Variants in RAP1A observed in about 807,000 individuals in gnomAD.
RAP1A encodes the protein ras-related protein Rap-1A.
RAP1A carries 6 observed loss-of-function variants against 26.4 expected under a neutral mutation model. The ratio of observed to expected loss-of-function variants is 0.23; its 90% confidence interval spans 0.12 to 0.45. The LOEUF (loss-of-function observed/expected upper bound fraction) is 0.45. RAP1A is among the 20% of genes least tolerant of loss of function. RAP1A has a pLI of 0.99. For missense variants in RAP1A, 121 were observed against 217.2 expected (o/e 0.56, Z 2.78); for synonymous variants, 73 against 79.4 (o/e 0.92, Z 0.43).
intron 1 of RAP1A, among the ~76,000 whole-genome samples, chr1:111,547,479 G>T (rs1571455520): frequency 6.6e-6 from 1 of 151,996 alleles, no homozygotes; most frequent in East Asian, 1.9e-4. Context: ...TGTGAAAATG[G>T]AGTTAAAAAA....
At chr1:111,552,074 A>G (rs1032839912) in intron 1 of RAP1A, among the ~76,000 whole-genome samples, 7 of 152,202 alleles carry the variant, frequency 4.6e-5, no homozygotes, top group South Asian at 2.1e-4. Context: ...ACTGTTATCC[A>G]TTGTCTCAGT....
At chr1:111,702,451 A>T (rs1450661053) in intron 4 of RAP1A, among the ~76,000 whole-genome samples, 1 of 152,196 alleles carries the variant, frequency 6.6e-6, no homozygotes, top group Non-Finnish European at 1.5e-5. Flanking sequence ...AAAGCTCAGT[A>T]ACTAAATGTT....
At chr1:111,638,280 A>T (rs1347557135) in intron 1 of RAP1A, among the ~76,000 whole-genome samples, 1 of 152,150 alleles carries the variant, frequency 6.6e-6, no homozygotes. Flanking sequence ...CTTCTACGGA[A>T]GGATCTTTTC....
intron 1 of RAP1A, among the ~76,000 whole-genome samples, chr1:111,577,789 CT>C (rs1658175909): frequency 6.6e-6 from 1 of 152,176 alleles, no homozygotes; most frequent in South Asian, 2.1e-4. Flanking sequence ...TCTTATCCCA[CT>C]TAATTACATT....
At chr1:111,599,124 C>G (rs1272691170) in intron 1 of RAP1A, among the ~76,000 whole-genome samples, 1 of 152,196 alleles carries the variant, frequency 6.6e-6, no homozygotes, top group Non-Finnish European at 1.5e-5. Flanking sequence ...CAGAGGCTCC[C>G]TGAACCCTAT....
intron 4 of RAP1A, among the ~76,000 whole-genome samples, chr1:111,700,242 G>A (rs1661976254): frequency 6.6e-6 from 1 of 152,158 alleles, no homozygotes; most frequent in African/African-American, 2.4e-5. Flanking sequence ...TTATTGTAAA[G>A]AAATACCTGA....
chr1:111,649,368 G>A (rs1452884301), intron 1 of RAP1A: 2 of 383,852 alleles, frequency 5.2e-6, no homozygotes, highest in Non-Finnish European at 1.0e-5. Flanking sequence ...CCAGCCCCTC[G>A]GCCATCCCTG....
At position 111,714,475 on chromosome 1, in the gene RAP1A, C is replaced by G. The variant is rs568752653; in HGVS notation, c.*2074C>G. On this transcript the variant is annotated 3_prime_UTR_variant, in exon 8 of 8. Transcript: ENST00000369709. ...GAAGTCATTTAATAAGACTCCAAGT[C>G]TCAGTCTGCTTGACTAGTAGCATAA... The G allele has an allele frequency of 3.3e-5, 5 of 152,220 alleles. No individual in the cohort carries two copies. The highest frequency in any genetic ancestry group is 7.3e-5 in the Non-Finnish European group (5 of 68,042). The allele number at this position is 152,220 out of a possible 1,614,324, so 9.4% of individuals were successfully genotyped here.
At chr1:111,699,766 G>A (rs1661961185) in intron 4 of RAP1A, among the ~76,000 whole-genome samples, 1 of 151,728 alleles carries the variant, frequency 6.6e-6, no homozygotes, top group Admixed American at 6.6e-5. Flanking sequence ...CTGCACCCAG[G>A]CCATCTCATT....
At chr1:111,655,941 C>T (rs749215819) in intron 1 of RAP1A, among the ~76,000 whole-genome samples, 6 of 151,968 alleles carry the variant, frequency 3.9e-5, no homozygotes, top group Non-Finnish European at 7.4e-5. Context: ...CCGCCCACCT[C>T]GGCCTCCCAA....
At chr1:111,548,248 TG>T (rs1299601682) in intron 1 of RAP1A, among the ~76,000 whole-genome samples, 1 of 152,214 alleles carries the variant, frequency 6.6e-6, no homozygotes, top group Admixed American at 6.5e-5. Context: ...CTCAAACTCC[TG>T]GCCTCAAGCG....
chr1:111,712,974 A>G lies in RAP1A; in HGVS notation c.*573A>G, dbSNP rs1490369040. 1 of 152,520 alleles carries G rather than the reference A, an allele frequency of 6.6e-6. No homozygotes were observed. Among genetic ancestry groups the G allele is most frequent in the Non-Finnish European group, 1.5e-5 (1 of 67,950 alleles). The allele number at this position is 152,520 out of a possible 1,614,324, so 9.4% of individuals were successfully genotyped here. ...TTGGAAAAATGGGTCTTTTATAGGAAAAAAACTGGGATAACTGATTTCTAT... is the reference window on the plus strand; with the variant it reads ...TTGGAAAAATGGGTCTTTTATAGGAGAAAAACTGGGATAACTGATTTCTAT... On this transcript the variant is annotated 3_prime_UTR_variant, in exon 8 of 8. Transcript: ENST00000369709.
chr1:111,621,947 C>T lies in RAP1A; in HGVS notation c.-28+2013C>T, dbSNP rs548917294. On this transcript the variant is annotated intron_variant, in intron 1 of 7. Transcript: ENST00000369709. Reference sequence around the variant, plus strand: ...CCCAGAAGACAGGTATATTCATATACGTTGTTCCTGTAGTCCTTCTGAAAA... The same window carrying T: ...CCCAGAAGACAGGTATATTCATATATGTTGTTCCTGTAGTCCTTCTGAAAA... Among the ~76,000 whole-genome samples the T allele has an allele frequency of 1.1e-4, 17 of 152,230 alleles. No homozygotes were observed. In the South Asian group the frequency reaches 2.7e-3, roughly 24 times the overall value.
chr1:111,602,845 A>T lies in RAP1A; in HGVS notation c.-28+60336A>T, dbSNP rs1229503103. Among the ~76,000 whole-genome samples the T allele has an allele frequency of 4.6e-5, 7 of 152,332 alleles. No individual in the cohort carries two copies. In the East Asian group the frequency reaches 1.2e-3, roughly 25 times the overall value. On this transcript the variant is annotated intron_variant, in intron 1 of 7. Transcript: ENST00000356415. ...TATGCCCCTTTCCAAAGTTGAAGGG[A>T]TATACCTAACACCCAAGGGGGCAGG...
At chr1:111,620,883 A>G (rs3903904) in intron 1 of RAP1A, among the ~76,000 whole-genome samples, 6,759 of 152,156 alleles carry the variant, frequency 0.044, 305 homozygotes, top group African/African-American at 0.11. Context: ...AGAGGAAGAC[A>G]TTTGTGCCTA....
intron 1 of RAP1A, among the ~76,000 whole-genome samples, chr1:111,645,685 A>G (rs116126233): frequency 0.024 from 3,698 of 152,312 alleles, 70 homozygotes; most frequent in Non-Finnish European, 0.038. Flanking sequence ...CATTTACTCA[A>G]ATAACCCTGC....
At chr1:111,573,683 TGTG>T (rs1473831289) in intron 1 of RAP1A, among the ~76,000 whole-genome samples, 1 of 152,240 alleles carries the variant, frequency 6.6e-6, no homozygotes, top group East Asian at 1.9e-4. Context: ...TGGTATCTAA[TGTG>T]GTTTTGATTT....
intron 1 of RAP1A, among the ~76,000 whole-genome samples, chr1:111,627,099 T>C (rs962027304): frequency 1.3e-5 from 2 of 152,188 alleles, no homozygotes; most frequent in Non-Finnish European, 2.9e-5. Context: ...TAAACATTTT[T>C]TTTTCTGTTT....
chr1:111,675,277 C>G (rs148681371), intron 1 of RAP1A, among the ~76,000 whole-genome samples: 1 of 151,942 alleles, frequency 6.6e-6, no homozygotes, highest in South Asian at 2.1e-4. Context: ...GTCAGGAGAT[C>G]GAGACCATCC....
Sources: allele counts gnomAD v4.1 joint callset (sites outside exome capture counted in the v4.1 genomes callset), GRCh38; gene constraint gnomAD v4.1.1; transcripts MANE v1.5; gene names NCBI Gene and HGNC (gene_info 2026-07-23, HGNC 2026-07-21).